CNTNAP2: variants seen among roughly 807,000 people sequenced by gnomAD.
CNTNAP2 encodes the protein contactin-associated protein-like 2.
A neutral mutation model predicts 155.2 loss-of-function variants in CNTNAP2; 98 were observed. That is an observed-to-expected ratio of 0.63 (90% CI 0.54 to 0.75). CNTNAP2 has a LOEUF of 0.75. Among genes scored for constraint, CNTNAP2 ranks in the 30% least tolerant of loss-of-function variants. The pLI is 0.00. For missense variants in CNTNAP2, 1,727 were observed against 1,688.1 expected, an observed-to-expected ratio of 1.02 and a Z score of -0.40; for synonymous variants, 651 against 631.2, an observed-to-expected ratio of 1.03 and a Z score of -0.47.
At chr7:147,648,289 T>A (rs1795399790) in intron 13 of CNTNAP2, among the ~76,000 whole-genome samples, 1 of 152,276 alleles carries the variant, frequency 6.6e-6, no homozygotes, top group Non-Finnish European at 1.5e-5. Flanking sequence ...CAAGGACACC[T>A]GTTTCAAGAA....
At chr7:147,808,097 C>A (rs573846797) in intron 13 of CNTNAP2, among the ~76,000 whole-genome samples, 1 of 152,194 alleles carries the variant, frequency 6.6e-6, no homozygotes, top group Admixed American at 6.5e-5. Context: ...CCTCAATTCC[C>A]CTCCTTTCCC....
In CNTNAP2 at chr7:148,409,413, T is replaced by TCCAGGA; in HGVS notation, c.3740_3745dup (p.Pro1247_Gly1248dup). 1 of 1,613,614 alleles carries TCCAGGA rather than the reference T, an allele frequency of 6.2e-7. No individual in the cohort carries two copies. The highest frequency in any genetic ancestry group is 8.5e-7 in the Non-Finnish European group (1 of 1,179,690). ...CAGCCAGTGCGGATTTTCCATATAA[T>TCCAGGA]CCAGGACAAGGCCAAGCTATAAGAA... On this transcript the variant is annotated inframe_insertion, in exon 23 of 24. Transcript: ENST00000361727.
intron 2 of CNTNAP2, among the ~76,000 whole-genome samples, chr7:146,779,607 C>A (rs978256198): frequency 4.6e-5 from 7 of 152,158 alleles, no homozygotes; most frequent in African/African-American, 7.2e-5. Context: ...TAATGTAGAT[C>A]CTGAATAATT....
chr7:148,245,876 C>T (rs1459411525), intron 20 of CNTNAP2, among the ~76,000 whole-genome samples: 2 of 152,174 alleles, frequency 1.3e-5, no homozygotes, highest in East Asian at 1.9e-4. Context: ...CCCTTCACTT[C>T]CCCTGGTCTT....
chr7:147,442,977 G>T (rs188240311), intron 10 of CNTNAP2, among the ~76,000 whole-genome samples: 4 of 152,222 alleles, frequency 2.6e-5, no homozygotes, highest in African/African-American at 9.6e-5. Flanking sequence ...GGAATTAGGG[G>T]AGAGGTGGTG....
chr7:147,493,731 C>G (rs760890241), intron 11 of CNTNAP2, among the ~76,000 whole-genome samples: 20 of 152,118 alleles, frequency 1.3e-4, no homozygotes, highest in Non-Finnish European at 2.6e-4. Context: ...TGGCATTTTT[C>G]ACGCTTACAA....
intron 13 of CNTNAP2, among the ~76,000 whole-genome samples, chr7:147,900,010 T>G (rs2116744990): frequency 6.6e-6 from 1 of 152,306 alleles, no homozygotes; most frequent in Middle Eastern, 3.4e-3. Context: ...GCCATTCACC[T>G]GAAACTCCTT....
At chr7:148,219,738 G>A (rs1239570773) in intron 19 of CNTNAP2, among the ~76,000 whole-genome samples, 1 of 152,122 alleles carries the variant, frequency 6.6e-6, no homozygotes, top group Non-Finnish European at 1.5e-5. Flanking sequence ...GAAGGCTGAG[G>A]GGGGAGGATC....
chr7:147,855,331 G>T (rs1343324690), intron 13 of CNTNAP2, among the ~76,000 whole-genome samples: 1 of 152,008 alleles, frequency 6.6e-6, no homozygotes, highest in Non-Finnish European at 1.5e-5. Context: ...TTAAGTGGAA[G>T]AAATCTCCCA....
At chr7:147,830,242 T>A (rs1434486822) in intron 13 of CNTNAP2, among the ~76,000 whole-genome samples, 1 of 151,752 alleles carries the variant, frequency 6.6e-6, no homozygotes, top group East Asian at 1.9e-4. Flanking sequence ...GGCTGGGAAG[T>A]CCAAGACCTG....
At chr7:147,766,281 G>C (rs578168897) in intron 13 of CNTNAP2, among the ~76,000 whole-genome samples, 1 of 152,042 alleles carries the variant, frequency 6.6e-6, no homozygotes, top group Non-Finnish European at 1.5e-5. Context: ...TGGAAAGTTG[G>C]TACCTATGTT....
chr7:146,664,668 T>C (rs942038803), intron 1 of CNTNAP2, among the ~76,000 whole-genome samples: 5 of 152,194 alleles, frequency 3.3e-5, no homozygotes, highest in African/African-American at 1.2e-4. Flanking sequence ...ATAAAATGAA[T>C]TGGAAATTCT....
At chr7:147,925,131 A>G (rs1294275848) in intron 14 of CNTNAP2, among the ~76,000 whole-genome samples, 1 of 54,608 alleles carries the variant, frequency 1.8e-5, no homozygotes, top group Non-Finnish European at 3.4e-5. Context: ...AGAGAGAAAG[A>G]GAGAAGAGAG....
At chr7:146,798,876 C>T (rs1376305139) in intron 2 of CNTNAP2, among the ~76,000 whole-genome samples, 2 of 152,120 alleles carry the variant, frequency 1.3e-5, no homozygotes, top group African/African-American at 4.8e-5. Context: ...AGAAAGCCTC[C>T]AACCTGTTCT....
intron 13 of CNTNAP2, among the ~76,000 whole-genome samples, chr7:147,778,775 T>C (rs1797624300): frequency 1.3e-5 from 2 of 152,168 alleles, no homozygotes; most frequent in African/African-American, 4.8e-5. Context: ...TCTCCCAAAG[T>C]GCTGGGATTA....
intron 4 of CNTNAP2, among the ~76,000 whole-genome samples, chr7:147,061,333 A>T (rs1209061911): frequency 2.0e-5 from 3 of 152,226 alleles, no homozygotes; most frequent in Non-Finnish European, 4.4e-5. Flanking sequence ...AATACAAAAC[A>T]TATATAATTT....
In CNTNAP2 at chr7:148,420,087, A is replaced by C. The variant is rs540420433; in HGVS notation, c.*4471A>C. The C allele has an allele frequency of 7.2e-5, 11 of 152,240 alleles. No individual in the cohort carries two copies. Among genetic ancestry groups the C allele is most frequent in the Non-Finnish European group, 1.2e-4 (8 of 68,038 alleles). 9.4% of individuals were successfully genotyped at this position (152,240 alleles called of 1,614,324 possible). On this transcript the variant is annotated 3_prime_UTR_variant, in exon 24 of 24. Coordinates refer to ENST00000361727, the MANE Select transcript of CNTNAP2 (RefSeq NM_014141.6). ...TGGAGACTTACTGGCATGGCTCTAC[A>C]GCTGCTCAGTTATTAATCATGCAGA...
At chr7:146,700,122 T>C (rs1317359686) in intron 1 of CNTNAP2, among the ~76,000 whole-genome samples, 1 of 152,136 alleles carries the variant, frequency 6.6e-6, no homozygotes, top group African/African-American at 2.4e-5. Context: ...TGTAGCCCCT[T>C]CCAAGACTGG....
At chr7:146,867,714 T>C (rs906644211) in intron 3 of CNTNAP2, among the ~76,000 whole-genome samples, 2 of 152,138 alleles carry the variant, frequency 1.3e-5, no homozygotes, top group African/African-American at 4.8e-5. Flanking sequence ...GTAGCCATTC[T>C]GACTGGCGTG....
Sources: allele counts gnomAD v4.1 joint callset (sites outside exome capture counted in the v4.1 genomes callset), GRCh38; gene constraint gnomAD v4.1.1; transcripts MANE v1.5; gene names NCBI Gene and HGNC (gene_info 2026-07-23, HGNC 2026-07-21).